ADTRP: variants seen among roughly 807,000 people sequenced by gnomAD.
ADTRP encodes androgen-dependent TFPI-regulating protein.
ADTRP carries 20 observed loss-of-function variants against 27.0 expected under a neutral mutation model. That is an observed-to-expected ratio of 0.74 (90% CI 0.52 to 1.08). The LOEUF is 1.08. Among genes scored for constraint, ADTRP ranks in the 50% least tolerant of loss-of-function variants. The pLI is 0.00. For synonymous variants in ADTRP, 101 were observed against 105.2 expected, an observed-to-expected ratio of 0.96 and a Z score of 0.25; for missense variants, 251 against 275.0, an observed-to-expected ratio of 0.91 and a Z score of 0.62.
chr6:11,769,322 T>C (rs994326032), intron 1 of ADTRP, among the ~76,000 whole-genome samples: 14 of 152,048 alleles, frequency 9.2e-5, no homozygotes, highest in Non-Finnish European at 2.9e-5. Context: ...CCTGGGGAGC[T>C]GGGCTGGGGA....
At position 11,725,451 on chromosome 6, in the gene ADTRP, A is replaced by C. The variant is rs560957310; in HGVS notation, c.507-1951T>G. Among the ~76,000 whole-genome samples the C allele has an allele frequency of 3.3e-5, 5 of 152,340 alleles. No homozygotes were observed. The South Asian group carries it at 1.0e-3, about 32-fold the overall frequency. On this transcript the variant is annotated intron_variant, in intron 4 of 5. Transcript: ENST00000414691. The stretch of plus-strand genomic sequence containing the variant: ...TTCAACATCACTAATAACTAGAAGA[A>C]ATGCAAATCAAAATGACAGTGAGAT...
intron 3 of ADTRP, among the ~76,000 whole-genome samples, chr6:11,743,350 T>C (rs1762775343): frequency 6.6e-6 from 1 of 152,248 alleles, no homozygotes; most frequent in African/African-American, 2.4e-5. Flanking sequence ...GTCTTTAATG[T>C]GGTCTGCAGA....
chr6:11,715,806 CTT>C (rs55961408), intron 5 of ADTRP, among the ~76,000 whole-genome samples: 7 of 77,720 alleles, frequency 9.0e-5, no homozygotes, highest in Admixed American at 3.2e-4. Context: ...CCATGCCCAG[CTT>C]TTTTTTTTTT....
chr6:11,719,736 C>T (rs1305102995), intron 5 of ADTRP, among the ~76,000 whole-genome samples: 1 of 152,190 alleles, frequency 6.6e-6, no homozygotes, highest in African/African-American at 2.4e-5. Flanking sequence ...ATAGCCTGAC[C>T]TCCTATTTGC....
intron 3 of ADTRP, among the ~76,000 whole-genome samples, chr6:11,759,813 T>A (rs1024264845): frequency 1.3e-5 from 2 of 152,194 alleles, no homozygotes; most frequent in African/African-American, 2.4e-5. Flanking sequence ...GGGTCCATTG[T>A]AATCCCAGGG....
intron 3 of ADTRP, among the ~76,000 whole-genome samples, chr6:11,765,805 G>A (rs2113331062): frequency 6.6e-6 from 1 of 152,232 alleles, no homozygotes; most frequent in Non-Finnish European, 1.5e-5. Context: ...AAATGGAAAT[G>A]TATTCCTAGA....
At chr6:11,738,791 G>A (rs561720671) in intron 3 of ADTRP, among the ~76,000 whole-genome samples, 1 of 152,314 alleles carries the variant, frequency 6.6e-6, no homozygotes, top group South Asian at 2.1e-4. Flanking sequence ...GATGGCTTCT[G>A]GGAAATTTAC....
chr6:11,734,303 T>C lies in ADTRP; in HGVS notation c.506+1265A>G, dbSNP rs141822878. Among the ~76,000 whole-genome samples, 10 of 152,376 alleles carry C rather than the reference T, an allele frequency of 6.6e-5. No individual in the cohort carries two copies. In the East Asian group the frequency reaches 1.5e-3, roughly 23 times the overall value. ...TCCATTGTCATGCTATTGAAAGTCA[T>C]TGCCAAATAATCACACAACTTTTTC... On this transcript the variant is annotated intron_variant, in intron 4 of 5. Transcript: ENST00000414691.
intron 5 of ADTRP, among the ~76,000 whole-genome samples, chr6:11,722,988 C>A (rs536169602): frequency 2.6e-5 from 4 of 152,298 alleles, no homozygotes; most frequent in Non-Finnish European, 5.9e-5. Context: ...GTCCCTGGAG[C>A]CCTCACTTGG....
chr6:11,733,637 C>T (rs189229475), intron 4 of ADTRP, among the ~76,000 whole-genome samples: 2 of 152,204 alleles, frequency 1.3e-5, no homozygotes, highest in Non-Finnish European at 1.5e-5. Flanking sequence ...TCCTCTTTCC[C>T]GGACAGCCTC....
At chr6:11,724,472 C>A (rs1762124990) in intron 4 of ADTRP, among the ~76,000 whole-genome samples, 1 of 152,058 alleles carries the variant, frequency 6.6e-6, no homozygotes, top group African/African-American at 2.4e-5. Flanking sequence ...TTTCTGGAAG[C>A]CGAGAGAAGG....
chr6:11,742,484 T>C (rs535845356), intron 3 of ADTRP, among the ~76,000 whole-genome samples: 74 of 152,318 alleles, frequency 4.9e-4, no homozygotes, highest in African/African-American at 1.7e-3. Context: ...GCTTCTATTG[T>C]TGAGATTCAA....
chr6:11,750,611 C>G (rs913335809), intron 3 of ADTRP, among the ~76,000 whole-genome samples: 1 of 152,188 alleles, frequency 6.6e-6, no homozygotes, highest in East Asian at 1.9e-4. Flanking sequence ...GGCCTCTCCT[C>G]CAGGAGAGGA....
At chr6:11,725,831 C>A (rs1298161118) in intron 4 of ADTRP, among the ~76,000 whole-genome samples, 4 of 139,060 alleles carry the variant, frequency 2.9e-5, no homozygotes, top group Non-Finnish European at 6.1e-5. Context: ...ACCTGGGAGG[C>A]AGAGCTTGCA....
intron 1 of ADTRP, 89 bp from the exon 2 acceptor site, chr6:11,768,472 A>T: frequency 6.5e-7 from 1 of 1,534,884 alleles, no homozygotes. Flanking sequence ...TCTGAGAGTA[A>T]TGTGGCTTTG....
At position 11,717,342 on chromosome 6, in the gene ADTRP, G is replaced by A. The variant is rs1258001147; in HGVS notation, c.659-2830C>T. 3.8e-6 allele frequency: 5 copies of A among 1,304,256 alleles called. No individual in the cohort carries two copies. In the Admixed American group the frequency reaches 9.2e-5, roughly 24 times the overall value. 80.8% of individuals were successfully genotyped at this position (1,304,256 alleles called of 1,614,324 possible). On this transcript the variant is annotated intron_variant, in intron 5 of 5. Transcript: ENST00000414691. ...CTTGACCAGTTGGTGCTTGGCTGGT[G>A]ACTTCCAATCGGGCCACTGGAAGCA... is the stretch of plus-strand genomic sequence containing the variant.
chr6:11,724,508 T>C (rs1412369123), intron 4 of ADTRP, among the ~76,000 whole-genome samples: 1 of 152,194 alleles, frequency 6.6e-6, no homozygotes, highest in African/African-American at 2.4e-5. Context: ...AGAAGAGCCA[T>C]GATGTCTAAG....
chr6:11,747,331 C>A (rs923968980), intron 3 of ADTRP, among the ~76,000 whole-genome samples: 2 of 152,206 alleles, frequency 1.3e-5, no homozygotes, highest in African/African-American at 4.8e-5. Flanking sequence ...CTCCAGAATA[C>A]CCCTCTGAAA....
At chr6:11,748,266 T>G (rs1762930513) in intron 3 of ADTRP, among the ~76,000 whole-genome samples, 1 of 152,188 alleles carries the variant, frequency 6.6e-6, no homozygotes, top group South Asian at 2.1e-4. Context: ...TGTCCAAATA[T>G]ACAGTGTCAG....
Sources: allele counts gnomAD v4.1 joint callset (sites outside exome capture counted in the v4.1 genomes callset), GRCh38; gene constraint gnomAD v4.1.1; transcripts MANE v1.5; gene names NCBI Gene and HGNC (gene_info 2026-07-23, HGNC 2026-07-21).